Variants in ADAP1 observed in about 807,000 individuals in gnomAD.
ADAP1 encodes ArfGAP with dual PH domains 1, also known as arf-GAP with dual PH domain-containing protein 1.
ADAP1 carries 31 observed loss-of-function variants against 54.9 expected under a neutral mutation model. The ratio of observed to expected loss-of-function variants is 0.56; its 90% CI spans 0.42 to 0.76. The LOEUF is 0.76. Ranked by LOEUF, ADAP1 falls within the 30% of genes least tolerant of loss-of-function variation. The probability of loss-of-function intolerance (pLI) is 0.00; values close to 1 mark genes in which losing one functional copy is unlikely to be tolerated. For synonymous variants in ADAP1, 313 were observed against 202.6 expected (o/e 1.55, Z -4.63); for missense variants, 535 against 512.4 (o/e 1.04, Z -0.42).
rs756339314 is a variant in ADAP1 at position 905,042 on chromosome 7, C to A, written c.501+18G>T. 7 of 1,602,996 alleles carry A rather than the reference C, an allele frequency of 4.4e-6. No homozygotes were observed. The highest frequency in any genetic ancestry group is 2.2e-5 in the East Asian group (1 of 44,834). On this transcript the variant is annotated intron_variant, in intron 5 of 10. Transcript: ENST00000265846. ...CGCCCTGGGACAGGCCCCCACCCCACCCCCGTCTGTGACTCACATCATTTC... is the reference window on the plus strand; with the variant it reads ...CGCCCTGGGACAGGCCCCCACCCCAACCCCGTCTGTGACTCACATCATTTC...
chr7:946,648 C>G lies in ADAP1; in HGVS notation c.82+7748G>C, dbSNP rs1310332974. 6.6e-6 allele frequency among the ~76,000 whole-genome samples: 1 copy of G among 151,968 alleles called. No individual in the cohort carries two copies. The highest frequency in any genetic ancestry group is 2.4e-5 in the African/African-American group (1 of 41,370). ...CCATCCCCAGTCCTCCCTGGACCCA[C>G]CCTGTCCCGGAGCCCACTCTCTGGG... On this transcript the variant is annotated intron_variant, in intron 1 of 10. Coordinates refer to ENST00000265846, the MANE Select transcript of ADAP1 (RefSeq NM_006869.4). The surrounding 1 kb of genome is among the most constrained non-coding windows in gnomAD (Gnocchi z 4.3).
At position 926,515 on chromosome 7, in the gene ADAP1, A is replaced by G. The variant is rs2128106759; in HGVS notation, c.305+38T>C. 2 of 1,497,140 alleles carry G rather than the reference A, an allele frequency of 1.3e-6. No individual in the cohort carries two copies. Among genetic ancestry groups the G allele is most frequent in the Non-Finnish European group, 1.8e-6 (2 of 1,121,762 alleles). 92.7% of individuals were successfully genotyped at this position (1,497,140 alleles called of 1,614,324 possible). On this transcript the variant is annotated intron_variant, in intron 3 of 10. Transcript: ENST00000265846. This position sits in a 1 kb window ranked among gnomAD's most constrained non-coding sequence, Gnocchi z 4.6. The stretch of plus-strand genomic sequence containing the variant: ...CGGGGCCATCTCGGAGCCACCCAGC[A>G]CTTGACCATGGCCCTGACAAGGCCC...
At chr7:916,353 T>C (rs980717154) in intron 4 of ADAP1, among the ~76,000 whole-genome samples, 6 of 152,148 alleles carry the variant, frequency 3.9e-5, no homozygotes, top group Admixed American at 1.3e-4. Flanking sequence ...AGTCAATCCA[T>C]TTCCAGTTTT....
chr7:938,669 C>T lies in ADAP1; in HGVS notation c.83-3164G>A, dbSNP rs762897975. The stretch of plus-strand genomic sequence containing the variant: ...AGAAGGCACGCCAGTCTCCGGGCCT[C>T]GGTCTCCTCATCTGTCGGATGGGAC... On this transcript the variant is annotated intron_variant, in intron 1 of 10. Transcript: ENST00000265846. The surrounding 1 kb of genome is among the most constrained non-coding windows in gnomAD (Gnocchi z 4.4). Among the ~76,000 whole-genome samples the T allele has an allele frequency of 2.4e-4, 37 of 152,152 alleles. No homozygotes were observed. Among genetic ancestry groups the T allele is most frequent in the Non-Finnish European group, 5.0e-4 (34 of 68,030 alleles).
intron 1 of ADAP1, among the ~76,000 whole-genome samples, chr7:950,772 G>A (rs1228375919): frequency 2.1e-5 from 3 of 145,638 alleles, no homozygotes; most frequent in African/African-American, 5.1e-5. Context: ...CAGGAGAATC[G>A]TTTGAACCCA....
chr7:905,045 C>CCG lies in ADAP1; in HGVS notation c.501+13_501+14dup. The CCG allele has an allele frequency of 6.2e-7, 1 of 1,607,030 alleles. No individual in the cohort carries two copies. The highest frequency in any genetic ancestry group is 8.5e-7 in the Non-Finnish European group (1 of 1,178,702). The stretch of plus-strand genomic sequence containing the variant: ...CCTGGGACAGGCCCCCACCCCACCC[C>CCG]CGTCTGTGACTCACATCATTTCTGT... On this transcript the variant is annotated intron_variant, in intron 5 of 10. Coordinates refer to ENST00000265846, the MANE Select transcript of ADAP1 (RefSeq NM_006869.4).
chr7:927,227 A>T (rs1208847060), intron 2 of ADAP1: 1 of 1,270,826 alleles, frequency 7.9e-7, no homozygotes, highest in Non-Finnish European at 1.0e-6. Flanking sequence ...CGGCGCCGTG[A>T]AGGAGGGGAG....
chr7:934,938 C>T (rs189255101), intron 2 of ADAP1, among the ~76,000 whole-genome samples: 22 of 152,328 alleles, frequency 1.4e-4, no homozygotes, highest in Middle Eastern at 3.4e-3. Flanking sequence ...GGCAGCGGGC[C>T]GGGGTGCACG....
At chr7:907,728 G>A (rs1272468034) in intron 4 of ADAP1, among the ~76,000 whole-genome samples, 6 of 152,210 alleles carry the variant, frequency 3.9e-5, no homozygotes, top group South Asian at 2.1e-4. Flanking sequence ...TGCAGCATCC[G>A]TGTCCTGGGC....
chr7:916,889 C>T (rs1045815753), intron 4 of ADAP1, among the ~76,000 whole-genome samples: 7 of 152,052 alleles, frequency 4.6e-5, no homozygotes, highest in East Asian at 3.9e-4. Context: ...CACCCCACGC[C>T]GCTCCTGGGA....
chr7:898,722 C>T lies in ADAP1; in HGVS notation c.*199G>A. ...CAGCATGACGGGGTTAGAGATCAGG[C>T]CCAGGGCCTGGGCTGCCTGCCTTGA... On this transcript the variant is annotated 3_prime_UTR_variant, in exon 11 of 11. Transcript: ENST00000265846. The T allele has an allele frequency of 1.5e-6, 1 of 676,960 alleles. No homozygotes were observed. The highest frequency in any genetic ancestry group is 1.8e-5 in the South Asian group (1 of 56,172). 41.9% of individuals were successfully genotyped at this position (676,960 alleles called of 1,614,324 possible).
intron 1 of ADAP1, among the ~76,000 whole-genome samples, chr7:936,652 A>G (rs1846768808): frequency 6.6e-6 from 1 of 152,158 alleles, no homozygotes. Flanking sequence ...CCTTCACAAT[A>G]AGTCAAGGGA....
At chr7:924,064 G>T (rs1846285587) in intron 3 of ADAP1, among the ~76,000 whole-genome samples, 2 of 101,464 alleles carry the variant, frequency 2.0e-5, no homozygotes, top group Non-Finnish European at 3.9e-5. Flanking sequence ...CGCCCTCCGG[G>T]TTACACTGCA....
chr7:907,053 C>T (rs907625431), intron 4 of ADAP1, among the ~76,000 whole-genome samples: 2 of 152,114 alleles, frequency 1.3e-5, no homozygotes, highest in African/African-American at 4.8e-5. Flanking sequence ...TGGCCTCCTC[C>T]CTCCTCCCTC....
At chr7:947,174 G>A (rs1384643154) in intron 1 of ADAP1, among the ~76,000 whole-genome samples, 1 of 150,712 alleles carries the variant, frequency 6.6e-6, no homozygotes, top group African/African-American at 2.4e-5. Flanking sequence ...TGAGTAGCTG[G>A]GACCACAGGT....
intron 4 of ADAP1, among the ~76,000 whole-genome samples, chr7:906,206 GA>G (rs1480532500): frequency 2.4e-5 from 2 of 81,862 alleles, no homozygotes. Context: ...AAGGAGAAAG[GA>G]GAAAGGAGAA....
At chr7:928,206 C>G (rs1451000984) in intron 2 of ADAP1, among the ~76,000 whole-genome samples, 1 of 150,154 alleles carries the variant, frequency 6.7e-6, no homozygotes, top group African/African-American at 2.5e-5. Flanking sequence ...GGCGGCAGAA[C>G]AAGACCATGT....
intron 4 of ADAP1, among the ~76,000 whole-genome samples, chr7:906,782 C>CATGGGGG (rs1246564901): frequency 4.9e-4 from 4 of 8,208 alleles, no homozygotes; most frequent in African/African-American, 1.8e-3. Flanking sequence ...GGACAGGGGA[C>CATGGGGG]ACGGGGGACG....
In ADAP1 at chr7:926,947, A is replaced by T. The variant is rs973099236; in HGVS notation, c.214-303T>A. ...GTTTGCCCCACCGTTTCAACCCCCA[A>T]GTCCACCCACACCGGGTGTCCCGTG... On this transcript the variant is annotated intron_variant, in intron 2 of 10. Transcript: ENST00000265846. The surrounding 1 kb of genome is among the most constrained non-coding windows in gnomAD (Gnocchi z 4.6). 8.0e-7 allele frequency: 1 copy of T among 1,255,534 alleles called. No homozygotes were observed. The highest frequency in any genetic ancestry group is 1.0e-6 in the Non-Finnish European group (1 of 969,338). The allele number at this position is 1,255,534 out of a possible 1,614,324, so 77.8% of individuals were successfully genotyped here.
Sources: gnomAD v4.1 joint callset for allele counts (sites outside exome capture counted in the v4.1 genomes callset) on GRCh38, gnomAD v4.1.1 for gene constraint, Gnocchi (gnomAD v3.1) non-coding constraint, MANE v1.5 for transcripts, NCBI Gene and HGNC (gene_info 2026-07-23, HGNC 2026-07-21) for gene names.